Variants in HMGCLL1 observed in about 807,000 individuals in gnomAD.
HMGCLL1 encodes 3-hydroxymethyl-3-methylglutaryl-CoA lyase, cytoplasmic.
A neutral mutation model predicts 39.1 loss-of-function variants in HMGCLL1; 36 were observed. That is an observed-to-expected ratio of 0.92 (90% confidence interval 0.71 to 1.22). HMGCLL1 has a LOEUF of 1.22. HMGCLL1 is among the 50% of genes most tolerant of loss of function. The pLI, the probability that HMGCLL1 is intolerant of heterozygous loss-of-function variation, is 0.00. For synonymous variants in HMGCLL1, 149 were observed against 144.0 expected (o/e 1.03, Z -0.25); for missense variants, 451 against 416.5 (o/e 1.08, Z -0.72).
At chr6:55,654,895 G>A in the HMGCLL1 span, among the ~76,000 whole-genome samples, 4 of 151,782 alleles carry the variant, frequency 2.6e-5, no homozygotes, top group Admixed American at 1.3e-4. Flanking sequence ...AACCTTAAAT[G>A]AGGTTCTGTG....
chr6:55,455,215 T>C (rs532535445), intron 7 of HMGCLL1, among the ~76,000 whole-genome samples: 3 of 152,210 alleles, frequency 2.0e-5, no homozygotes, highest in Non-Finnish European at 4.4e-5. Context: ...TTCAGCTTGA[T>C]TTCTAAATGA....
intron 7 of HMGCLL1, among the ~76,000 whole-genome samples, chr6:55,454,573 G>A (rs1229932129): frequency 6.6e-6 from 1 of 152,228 alleles, no homozygotes; most frequent in Non-Finnish European, 1.5e-5. Context: ...TGACCAGGAT[G>A]TGGTACAGAG....
chr6:55,592,523 TA>T, the HMGCLL1 span, among the ~76,000 whole-genome samples: 1 of 152,092 alleles, frequency 6.6e-6, no homozygotes, highest in Non-Finnish European at 1.5e-5. Context: ...TTGGGCTTAA[TA>T]ATTCTTTGTT....
At chr6:55,665,942 A>G in the HMGCLL1 span, among the ~76,000 whole-genome samples, 483 of 151,890 alleles carry the variant, frequency 3.2e-3, 5 homozygotes, top group African/African-American at 0.011. Context: ...ATTATTAGTT[A>G]TACAACTGAA....
the HMGCLL1 span, among the ~76,000 whole-genome samples, chr6:55,612,913 CAA>C: frequency 2.0e-5 from 3 of 152,032 alleles, no homozygotes; most frequent in Non-Finnish European, 2.9e-5. Flanking sequence ...GATAAAATCA[CAA>C]AAAGCATATG....
At chr6:55,561,239 AT>A (rs1414306834) in intron 1 of HMGCLL1, among the ~76,000 whole-genome samples, 1 of 152,196 alleles carries the variant, frequency 6.6e-6, no homozygotes, top group Non-Finnish European at 1.5e-5. Context: ...TCTAAACTAC[AT>A]TATCTTACAA....
At chr6:55,677,083 A>T in the HMGCLL1 span, among the ~76,000 whole-genome samples, 168 of 152,356 alleles carry the variant, frequency 1.1e-3, no homozygotes, top group South Asian at 3.5e-3. Flanking sequence ...ATAACAGGAC[A>T]GTTTAAAAAT....
In HMGCLL1 at chr6:55,560,740, C is replaced by A. The variant is rs533623645; in HGVS notation, c.108+18208G>T. Among the ~76,000 whole-genome samples, 5 of 152,258 alleles carry A rather than the reference C, an allele frequency of 3.3e-5. No individual in the cohort carries two copies. In the South Asian group the frequency reaches 1.0e-3, roughly 32 times the overall value. On this transcript the variant is annotated intron_variant, in intron 1 of 8. Transcript: ENST00000274901. The stretch of plus-strand genomic sequence containing the variant: ...TTGGCTGTGCAGACTGTGATTCCAG[C>A]ACACCAAAGCTTTTAAGCTCTTTCT...
intron 3 of HMGCLL1, among the ~76,000 whole-genome samples, chr6:55,524,976 T>TTA (rs1768239496): frequency 6.6e-6 from 1 of 150,604 alleles, no homozygotes; most frequent in Admixed American, 6.7e-5. Context: ...TTAATAGTAA[T>TTA]AGTAATAGTA....
At chr6:55,538,461 A>G (rs1405801015) in intron 3 of HMGCLL1, among the ~76,000 whole-genome samples, 1 of 152,208 alleles carries the variant, frequency 6.6e-6, no homozygotes, top group Non-Finnish European at 1.5e-5. Context: ...AAAAATGTCT[A>G]GAACTCTCTT....
chr6:55,653,763 G>A, the HMGCLL1 span, among the ~76,000 whole-genome samples: 3 of 152,004 alleles, frequency 2.0e-5, no homozygotes, highest in East Asian at 5.9e-4. Context: ...TGTGTTCTGG[G>A]AAGCGCCTTG....
At chr6:55,501,364 A>G (rs1056153604) in intron 5 of HMGCLL1, among the ~76,000 whole-genome samples, 1 of 151,882 alleles carries the variant, frequency 6.6e-6, no homozygotes, top group African/African-American at 2.4e-5. Context: ...ATACTTATTT[A>G]TGGCTGCTTT....
the HMGCLL1 span, among the ~76,000 whole-genome samples, chr6:55,605,744 A>T: frequency 6.6e-6 from 1 of 152,180 alleles, no homozygotes; most frequent in African/African-American, 2.4e-5. Context: ...CTCCAGTAAT[A>T]GTGAGTAACC....
chr6:55,565,475 T>C (rs979931134), intron 1 of HMGCLL1, among the ~76,000 whole-genome samples: 2 of 152,148 alleles, frequency 1.3e-5, no homozygotes, highest in Non-Finnish European at 2.9e-5. Context: ...ATTTGTCCCA[T>C]GTGATGTAAG....
At position 55,439,284 on chromosome 6, in the gene HMGCLL1, AT is replaced by A. The variant is rs1262892577; in HGVS notation, c.921+149del. The A allele has an allele frequency of 1.3e-5, 9 of 689,080 alleles. No homozygotes were observed. The Admixed American group carries it at 2.1e-4, about 16-fold the overall frequency. 42.7% of individuals were successfully genotyped at this position (689,080 alleles called of 1,614,324 possible). On this transcript the variant is annotated intron_variant, in intron 8 of 8. Coordinates refer to ENST00000274901, the MANE Select transcript of HMGCLL1 (RefSeq NM_001042406.2). ...GTTACTTTATAAAGACCCCAAAAGA[AT>A]TTTTATTGCATTTTCCCACTGTGCA...
chr6:55,595,147 T>C, the HMGCLL1 span, among the ~76,000 whole-genome samples: 1 of 152,212 alleles, frequency 6.6e-6, no homozygotes, highest in Non-Finnish European at 1.5e-5. Flanking sequence ...ACCATGAAGG[T>C]TGTACTGACC....
the HMGCLL1 span, among the ~76,000 whole-genome samples, chr6:55,667,016 C>T: frequency 6.6e-6 from 1 of 151,352 alleles, no homozygotes; most frequent in Non-Finnish European, 1.5e-5. Flanking sequence ...TTTCCATTGA[C>T]CTTTGCCCGG....
At chr6:55,536,637 A>G (rs1180376309) in intron 3 of HMGCLL1, among the ~76,000 whole-genome samples, 1 of 148,730 alleles carries the variant, frequency 6.7e-6, no homozygotes, top group Non-Finnish European at 1.5e-5. Flanking sequence ...AAATGTTCTT[A>G]TATTTCATGT....
chr6:55,500,387 C>T (rs1766813052), intron 5 of HMGCLL1, among the ~76,000 whole-genome samples: 1 of 151,882 alleles, frequency 6.6e-6, no homozygotes, highest in Non-Finnish European at 1.5e-5. Flanking sequence ...TATCCTATTT[C>T]CTTAATTCTA....
Sources: gnomAD v4.1 joint callset for allele counts (sites outside exome capture counted in the v4.1 genomes callset) on GRCh38, gnomAD v4.1.1 for gene constraint, MANE v1.5 for transcripts, NCBI Gene and HGNC (gene_info 2026-07-23, HGNC 2026-07-21) for gene names.